CD109: variants seen among roughly 807,000 people sequenced by gnomAD.
CD109 encodes CD109 antigen.
In CD109, 149 loss-of-function variants were observed where a neutral mutation model predicts 165.8. The ratio of observed to expected loss-of-function variants is 0.90; its 90% CI spans 0.79 to 1.03. The LOEUF (loss-of-function observed/expected upper bound fraction) is 1.03. CD109 is among the 50% of genes least tolerant of loss of function. CD109 has a pLI of 0.00. For missense variants in CD109, 1,712 were observed against 1,677.8 expected (o/e 1.02, Z -0.36); for synonymous variants, 585 against 592.1 (o/e 0.99, Z 0.18).
intron 24 of CD109, among the ~76,000 whole-genome samples, chr6:73,804,894 A>T (rs994904856): frequency 9.2e-5 from 14 of 152,230 alleles, no homozygotes; most frequent in Non-Finnish European, 2.9e-5. Context: ...CAGACACATT[A>T]AAAAATGCTC....
intron 5 of CD109, among the ~76,000 whole-genome samples, chr6:73,749,287 G>A (rs993112873): frequency 6.0e-4 from 91 of 152,138 alleles, no homozygotes; most frequent in African/African-American, 2.0e-3. Flanking sequence ...GTGGGTCTCC[G>A]TTTCCTCAGC....
At position 73,810,163 on chromosome 6, in the gene CD109, G is replaced by A; in HGVS notation, c.3535G>A (p.Ala1179Thr). The A allele has an allele frequency of 1.3e-6, 2 of 1,595,868 alleles. No homozygotes were observed. Among genetic ancestry groups the A allele is most frequent in the Non-Finnish European group, 1.7e-6 (2 of 1,173,440 alleles). ...SRQRNSLGGFASTQDTTVALK... is the reference protein window; with the variant it reads ...SRQRNSLGGFTSTQDTTVALK... ...GCAAAGAAATAGCTTGGGTGGTTTT[G>A]CATCTACTCAGGTGAGAGATGATAG... Residue 1179 changes from alanine (A) to threonine (T), a missense_variant, in exon 27 of 33, where the codon GCA becomes ACA. Coordinates refer to ENST00000287097, the MANE Select transcript of CD109 (RefSeq NM_133493.5).
chr6:73,818,315 G>A (rs983708785), intron 30 of CD109, 73 bp from the exon 31 acceptor site: 2 of 1,506,360 alleles, frequency 1.3e-6, no homozygotes, highest in Non-Finnish European at 1.8e-6. Context: ...TTTGATTTTT[G>A]TATGAAGATA....
intron 23 of CD109, among the ~76,000 whole-genome samples, chr6:73,794,345 G>A (rs1775079620): frequency 6.6e-6 from 1 of 152,158 alleles, no homozygotes; most frequent in East Asian, 1.9e-4. Flanking sequence ...GAAGCAATGG[G>A]ATATGATGGA....
intron 14 of CD109, 96 bp from the exon 15 acceptor site, chr6:73,771,332 TA>T: frequency 1.1e-6 from 1 of 930,196 alleles, no homozygotes. Flanking sequence ...AAGGCAAATG[TA>T]GAATCTTTGC....
upstream of CD109, among the ~76,000 whole-genome samples, chr6:73,690,956 A>G (rs971221239): frequency 6.6e-6 from 1 of 151,860 alleles, no homozygotes; most frequent in Admixed American, 6.6e-5. Context: ...ATCTTTCTAC[A>G]TTTTGTGTAC....
rs752660967 is a variant in CD109 at position 73,815,123 on chromosome 6, GGTAAGT to G, written c.3911+3_3911+8del. The stretch of plus-strand genomic sequence containing the variant: ...CATGTGGATTTGAATGTGTGTACAA[GGTAAGT>G]GTCTGCTTAGGTCTCTCTTCTTTTT... On this transcript the variant is annotated splice_donor_variant and splice_donor_5th_base_variant and intron_variant, in intron 30 of 32. Transcript: ENST00000287097. LOFTEE classifies it high-confidence loss of function. 15 of 1,575,358 alleles carry G rather than the reference GGTAAGT, an allele frequency of 9.5e-6. No homozygotes were observed. The South Asian group carries it at 1.8e-4, about 19-fold the overall frequency.
In CD109 at chr6:73,766,173, C is replaced by T; in HGVS notation, c.1332+19C>T. The stretch of plus-strand genomic sequence containing the variant: ...GTTGAAGGTGCCGTCTGTTTCCCAT[C>T]ATTGTGTCACTGCAACAACACCATT... On this transcript the variant is annotated intron_variant, in intron 11 of 32. Transcript: ENST00000287097. 1.3e-6 allele frequency: 2 copies of T among 1,572,660 alleles called. No homozygotes were observed. The highest frequency in any genetic ancestry group is 1.7e-6 in the Non-Finnish European group (2 of 1,142,864).
At position 73,786,348 on chromosome 6, in the gene CD109, A is replaced by G. The variant is rs188036559; in HGVS notation, c.2337+871A>G. ...AATTAACTTTATTACATGGATGAAA[A>G]TGACATGATATCTTTAGGCACTTTA... On this transcript the variant is annotated intron_variant, in intron 20 of 32. Transcript: ENST00000287097. Among the ~76,000 whole-genome samples the G allele has an allele frequency of 1.2e-3, 178 of 152,336 alleles. 1 individual carries two copies. The highest frequency in any genetic ancestry group is 2.3e-3 in the Non-Finnish European group (155 of 68,034).
At chr6:73,794,466 G>T (rs1199628677) in intron 23 of CD109, among the ~76,000 whole-genome samples, 1 of 152,168 alleles carries the variant, frequency 6.6e-6, no homozygotes, top group African/African-American at 2.4e-5. Context: ...TAGAGAAGGA[G>T]GCACCAAAGG....
rs1770886882 is a variant in CD109, at chr6:73,697,390, A to G, written c.75-10A>G. ...GAAACTTTGTTTTTCCCTTGTTGGG[A>G]ACTCTTTAGGCCTCGGTTTCTGGTG... On this transcript the variant is annotated splice_polypyrimidine_tract_variant and intron_variant, in intron 1 of 32. Coordinates refer to ENST00000287097, the MANE Select transcript of CD109 (RefSeq NM_133493.5). 1 of 1,609,968 alleles carries G rather than the reference A, an allele frequency of 6.2e-7. No homozygotes were observed. The highest frequency in any genetic ancestry group is 8.5e-7 in the Non-Finnish European group (1 of 1,178,384).
rs113622225 is a variant in CD109 at position 73,760,572 on chromosome 6, G to A, written c.758+1544G>A. 6.5e-3 allele frequency among the ~76,000 whole-genome samples: 994 copies of A among 152,104 alleles called. 7 individuals carry two copies. The highest frequency in any genetic ancestry group is 0.023 in the African/African-American group (934 of 41,480). On this transcript the variant is annotated intron_variant, in intron 7 of 32. Coordinates refer to ENST00000287097, the MANE Select transcript of CD109 (RefSeq NM_133493.5). ...TTACGAAGCTAAGTTTGGGCCAGGT[G>A]AGGTGGCTCGTGCCTATAATCCCAG...
intron 11 of CD109, among the ~76,000 whole-genome samples, chr6:73,766,558 T>C (rs1009931930): frequency 1.0e-4 from 15 of 150,606 alleles, no homozygotes; most frequent in Non-Finnish European, 1.6e-4. Context: ...TATATATTCC[T>C]TTCCTGTGTT....
the CD109 span, among the ~76,000 whole-genome samples, chr6:73,679,884 C>T: frequency 2.6e-5 from 4 of 152,184 alleles, no homozygotes; most frequent in African/African-American, 9.6e-5. Context: ...ATCTGCCTCC[C>T]TTGGCCTCCC....
At chr6:73,739,979 C>G (rs1028159788) in intron 5 of CD109, among the ~76,000 whole-genome samples, 3 of 152,208 alleles carry the variant, frequency 2.0e-5, no homozygotes, top group Admixed American at 6.5e-5. Context: ...AGTGATCCTC[C>G]TGCCTCAGCC....
intron 2 of CD109, among the ~76,000 whole-genome samples, chr6:73,712,920 A>G (rs1268462052): frequency 1.3e-5 from 2 of 152,218 alleles, no homozygotes; most frequent in Non-Finnish European, 2.9e-5. Flanking sequence ...AAAGAGTGCC[A>G]TACTGGGTTT....
chr6:73,791,132 CATACATATATAT>C (rs1472619722), intron 22 of CD109, among the ~76,000 whole-genome samples: 19 of 46,810 alleles, frequency 4.1e-4, no homozygotes, highest in African/African-American at 1.7e-3. Flanking sequence ...TATATACATA[CATACATATATAT>C]ATATATATAT....
chr6:73,792,742 A>T lies in CD109; in HGVS notation c.2818A>T (p.Thr940Ser), dbSNP rs763522841. 1 of 1,612,668 alleles carries T rather than the reference A, an allele frequency of 6.2e-7. No individual in the cohort carries two copies. Residue 940 changes from threonine (T) to serine (S), a missense_variant, in exon 23 of 33, where the codon ACT becomes TCT. Thr to Ser is a moderately conservative substitution (Grantham distance 58). Transcript: ENST00000287097. ...APNIYILDYL[T>S]KKKQLTDNLK... is the part of the protein sequence containing the mutation. ...AAATATTTACATTTTGGATTATCTG[A>T]CTAAAAAGAAACAACTGACAGATAA...
intron 18 of CD109, among the ~76,000 whole-genome samples, 159 bp downstream of exon 18, chr6:73,782,914 T>G (rs1204845152): frequency 6.6e-6 from 1 of 151,606 alleles, no homozygotes; most frequent in African/African-American, 2.4e-5. Flanking sequence ...TGAATCTAAA[T>G]ACAGTTTTTG....
Sources: gnomAD v4.1 joint callset for allele counts (sites outside exome capture counted in the v4.1 genomes callset) on GRCh38, gnomAD v4.1.1 for gene constraint, MANE v1.5 for transcripts, NCBI Gene and HGNC (gene_info 2026-07-23, HGNC 2026-07-21) for gene names.